STYX: variants seen among roughly 807,000 people sequenced by gnomAD.
STYX encodes the protein serine/threonine/tyrosine interacting protein.
A neutral mutation model predicts 42.7 loss-of-function variants in STYX; 20 were observed. The ratio of observed to expected loss-of-function variants is 0.47; its 90% CI spans 0.33 to 0.68. The LOEUF (loss-of-function observed/expected upper bound fraction) is 0.68. Ranked by LOEUF, STYX falls within the 30% of genes least tolerant of loss-of-function variation. The probability of loss-of-function intolerance (pLI) is 0.02; values close to 1 mark genes in which losing one functional copy is unlikely to be tolerated. For synonymous variants in STYX, 78 were observed against 81.9 expected, an observed-to-expected ratio of 0.95 and a Z score of 0.26; for missense variants, 226 against 268.5, an observed-to-expected ratio of 0.84 and a Z score of 1.11.
intron 9 of STYX, among the ~76,000 whole-genome samples, chr14:52,765,931 T>C (rs1433357779): frequency 6.6e-6 from 1 of 152,192 alleles, no homozygotes; most frequent in Admixed American, 6.5e-5. Flanking sequence ...TTCTGGGGTC[T>C]GCAGTCCAGG....
At chr14:52,734,040 C>T (rs1368619017) in intron 1 of STYX, among the ~76,000 whole-genome samples, 1 of 152,164 alleles carries the variant, frequency 6.6e-6, no homozygotes, top group African/African-American at 2.4e-5. Flanking sequence ...AGACCCACCC[C>T]CACATCAGTC....
At position 52,771,000 on chromosome 14, in the gene STYX, G is replaced by A. The variant is rs996074321; in HGVS notation, c.599-33G>A. On this transcript the variant is annotated intron_variant, in intron 10 of 10. Transcript: ENST00000354586. The stretch of plus-strand genomic sequence containing the variant: ...AACCTTTTAACATGAATTTATTTTA[G>A]TGCCCTTTTAATCTTCATGCAATAA... 5.0e-6 allele frequency: 8 copies of A among 1,596,172 alleles called. No homozygotes were observed. The African/African-American group carries it at 9.4e-5, about 19-fold the overall frequency.
At chr14:52,747,607 T>G (rs1405136455) in intron 3 of STYX, among the ~76,000 whole-genome samples, 1 of 152,260 alleles carries the variant, frequency 6.6e-6, no homozygotes, top group Non-Finnish European at 1.5e-5. Flanking sequence ...ATTGTCCATA[T>G]AATTTGCTAT....
intron 9 of STYX, among the ~76,000 whole-genome samples, chr14:52,763,889 TC>T (rs1488146000): frequency 6.6e-6 from 1 of 152,186 alleles, no homozygotes; most frequent in East Asian, 1.9e-4. Context: ...TTTCTTTATT[TC>T]CCCTTTTTTG....
At position 52,768,858 on chromosome 14, in the gene STYX, C is replaced by G. The variant is rs758467204; in HGVS notation, c.523C>G (p.Leu175Val). ...TTTTTAGGAATATGAAGCCATCTACCTAGCAAAATTAACAATACAGATGAT... is the reference window on the plus strand; with the variant it reads ...TTTTTAGGAATATGAAGCCATCTACGTAGCAAAATTAACAATACAGATGAT... ...HQLQEYEAIY[L>V]AKLTIQMMSP... Residue 175 changes from leucine to valine, a missense_variant, in exon 10 of 11, where the codon CTA (leucine) becomes GTA (valine). Coordinates refer to ENST00000354586, the MANE Select transcript of STYX (RefSeq NM_145251.4). The G allele has an allele frequency of 1.3e-6, 2 of 1,591,352 alleles. No homozygotes were observed. Among genetic ancestry groups the G allele is most frequent in the South Asian group, 1.2e-5 (1 of 84,938 alleles).
At chr14:52,752,804 AAGG>A (rs745620119) in intron 4 of STYX, among the ~76,000 whole-genome samples, 3 of 151,764 alleles carry the variant, frequency 2.0e-5, no homozygotes, top group Non-Finnish European at 4.4e-5. Flanking sequence ...TGCTTCTAAG[AAGG>A]AAAATTCAGG....
At chr14:52,738,758 G>A (rs7158496) in intron 1 of STYX, among the ~76,000 whole-genome samples, 150,322 of 152,320 alleles carry the variant, frequency 0.99, 74,184 homozygotes, top group East Asian at 1. Context: ...AAGAAGCTCA[G>A]TTTGCTCCTA....
intron 1 of STYX, among the ~76,000 whole-genome samples, chr14:52,736,031 G>A (rs1399107117): frequency 6.6e-6 from 1 of 152,070 alleles, no homozygotes; most frequent in East Asian, 1.9e-4. Context: ...CTCATTATGA[G>A]CTACTCTTCT....
rs777897120 is a variant in STYX, at chr14:52,756,582, G to A, written c.274G>A (p.Val92Ile). The A allele has an allele frequency of 4.1e-6, 6 of 1,452,638 alleles. No homozygotes were observed. Among genetic ancestry groups the A allele is most frequent in the Non-Finnish European group, 5.6e-6 (6 of 1,077,664 alleles). The allele number at this position is 1,452,638 out of a possible 1,614,324, so 90.0% of individuals were successfully genotyped here. Reference sequence around the variant, plus strand: ...AGTCCTGGATATTGCAGATAATCCAGTTGAAAATATAATACGTTTTTTCCC... The same window carrying A: ...AGTCCTGGATATTGCAGATAATCCAATTGAAAATATAATACGTTTTTTCCC... ...YLVLDIADNPVENIIRFFPMT... is the reference protein window; with the variant it reads ...YLVLDIADNPIENIIRFFPMT... Residue 92 changes from valine (V) to isoleucine (I), a missense_variant, in exon 5 of 11, where the codon GTT (valine) becomes ATT (isoleucine). Coordinates refer to ENST00000354586, the MANE Select transcript of STYX (RefSeq NM_145251.4).
chr14:52,755,638 G>A (rs1881830935), intron 4 of STYX, among the ~76,000 whole-genome samples: 1 of 148,962 alleles, frequency 6.7e-6, no homozygotes, highest in Non-Finnish European at 1.5e-5. Flanking sequence ...TGCCTTTTAA[G>A]TATTTTGTAA....
intron 9 of STYX, among the ~76,000 whole-genome samples, chr14:52,762,153 T>G (rs997608156): frequency 6.6e-6 from 1 of 151,928 alleles, no homozygotes; most frequent in African/African-American, 2.4e-5. Context: ...GTGCTGGAAT[T>G]ACAGGCGTGA....
intron 10 of STYX, 100 bp downstream of exon 10, chr14:52,769,033 A>C: frequency 1.2e-6 from 1 of 816,098 alleles, no homozygotes. Flanking sequence ...TGTTTAGAAA[A>C]CTTGTTAAAC....
rs927257892 is a variant in STYX at position 52,767,765 on chromosome 14, C to A, written c.505-1075C>A. Among the ~76,000 whole-genome samples, 7 of 152,130 alleles carry A rather than the reference C, an allele frequency of 4.6e-5. No individual in the cohort carries two copies. The East Asian group carries it at 1.2e-3, about 25-fold the overall frequency. ...TAAACACTGATTCATATTAGAATCA[C>A]CTGGGGAATCCTTACCCATGCCAAT... On this transcript the variant is annotated intron_variant, in intron 9 of 10. Transcript: ENST00000354586.
rs1882652115 is a variant in STYX at position 52,774,724 on chromosome 14, T to C, written c.*3618T>C. 2 of 151,976 alleles carry C rather than the reference T, an allele frequency of 1.3e-5. No homozygotes were observed. Among genetic ancestry groups the C allele is most frequent in the African/African-American group, 4.8e-5 (2 of 41,364 alleles). The allele number at this position is 151,976 out of a possible 1,614,324, so 9.4% of individuals were successfully genotyped here. ...CACAGTTCAAAGTGTATTCTATAGA[T>C]CAGTAACATTATACTGACATGTAAT... On this transcript the variant is annotated 3_prime_UTR_variant, in exon 11 of 11. Transcript: ENST00000354586.
chr14:52,744,962 C>T (rs950831005), intron 2 of STYX, 78 bp downstream of exon 2: 1 of 1,258,956 alleles, frequency 7.9e-7, no homozygotes, highest in Non-Finnish European at 1.1e-6. Flanking sequence ...GATTTGAGAC[C>T]TGCTGATTTC....
At chr14:52,755,127 T>G (rs1266203269) in intron 4 of STYX, among the ~76,000 whole-genome samples, 1 of 150,628 alleles carries the variant, frequency 6.6e-6, no homozygotes, top group East Asian at 1.9e-4. Flanking sequence ...TTTTGTTTTT[T>G]TTTTTTTGTT....
rs1454504300 is a variant in STYX, at chr14:52,746,449, A to G, written c.114A>G (p.Leu38=). ...AGGAAATTTTACCTGGATTGTTCTT[A>G]GGCCCATATTCATCTGCTATGAAAA... ...EMQEILPGLF[L]GPYSSAMKSK... Residue 38 remains leucine, a synonymous_variant, in exon 3 of 11, where the codon TTA becomes TTG. Coordinates refer to ENST00000354586, the MANE Select transcript of STYX (RefSeq NM_145251.4). The G allele has an allele frequency of 1.4e-5, 22 of 1,556,382 alleles. No individual in the cohort carries two copies. Among genetic ancestry groups the G allele is most frequent in the Non-Finnish European group, 1.9e-5 (22 of 1,161,964 alleles).
At chr14:52,734,101 T>G (rs2139875542) in intron 1 of STYX, among the ~76,000 whole-genome samples, 1 of 152,306 alleles carries the variant, frequency 6.6e-6, no homozygotes, top group East Asian at 1.9e-4. Flanking sequence ...AGTTACAAAG[T>G]TGCAAACGAA....
At chr14:52,768,055 T>G (rs1307003090) in intron 9 of STYX, among the ~76,000 whole-genome samples, 1 of 152,182 alleles carries the variant, frequency 6.6e-6, no homozygotes. Flanking sequence ...TCATATTTCC[T>G]GACTTTGTCA....
Sources: allele counts gnomAD v4.1 joint callset (sites outside exome capture counted in the v4.1 genomes callset), GRCh38; gene constraint gnomAD v4.1.1; transcripts MANE v1.5; gene names NCBI Gene and HGNC (gene_info 2026-07-23, HGNC 2026-07-21).